PRDM5: variants seen among roughly 807,000 people sequenced by gnomAD.
PRDM5 encodes the protein PR domain zinc finger protein 5.
PRDM5 carries 56 observed loss-of-function variants against 81.2 expected under a neutral mutation model. The ratio of observed to expected loss-of-function variants is 0.69; its 90% CI spans 0.56 to 0.86. The LOEUF is 0.86. Ranked by LOEUF, PRDM5 falls within the 40% of genes least tolerant of loss-of-function variation. PRDM5 has a pLI of 0.00. For missense variants in PRDM5, 697 were observed against 770.1 expected (o/e 0.91, Z 1.12); for synonymous variants, 267 against 256.4 (o/e 1.04, Z -0.39).
chr4:120,888,670 A>G (rs1340056170), intron 2 of PRDM5, among the ~76,000 whole-genome samples: 2 of 152,206 alleles, frequency 1.3e-5, no homozygotes, highest in Non-Finnish European at 2.9e-5. Flanking sequence ...GCTCTAGTAG[A>G]TACCACTAGA....
At chr4:120,849,658 T>A (rs973491298) in intron 3 of PRDM5, among the ~76,000 whole-genome samples, 1 of 152,192 alleles carries the variant, frequency 6.6e-6, no homozygotes, top group African/African-American at 2.4e-5. Context: ...AATGTTCAAA[T>A]AATTAATAGT....
chr4:120,881,832 T>G (rs1330774472), intron 2 of PRDM5, among the ~76,000 whole-genome samples: 1 of 152,212 alleles, frequency 6.6e-6, no homozygotes, highest in East Asian at 1.9e-4. Flanking sequence ...AGGCCATGTA[T>G]TCTATTGTCT....
At chr4:120,796,767 T>C (rs558963919) in intron 10 of PRDM5, among the ~76,000 whole-genome samples, 29 of 152,326 alleles carry the variant, frequency 1.9e-4, no homozygotes, top group South Asian at 1.7e-3. Context: ...TTGAAATTGG[T>C]ATCATAATTT....
Position 120,694,889 on chromosome 4 carries a change from A to T in PRDM5, c.*222T>A, listed in dbSNP as rs1486028857. ...AGACAGAGCACAAGTTGCATTTTGC[A>T]AGGCTATGGAGTTGTATTTTTTTTC... On this transcript the variant is annotated 3_prime_UTR_variant, in exon 16 of 16. Coordinates refer to ENST00000264808, the MANE Select transcript of PRDM5 (RefSeq NM_018699.4). 2 of 531,756 alleles carry T rather than the reference A, an allele frequency of 3.8e-6. No homozygotes were observed. The highest frequency in any genetic ancestry group is 3.2e-5 in the Admixed American group (1 of 31,570). The allele number at this position is 531,756 out of a possible 1,614,324, so 32.9% of individuals were successfully genotyped here. A position where few individuals can be genotyped will look rare whatever the true frequency, so the allele number is the denominator to read the frequency against.
At chr4:120,851,423 A>C (rs1759252494) in intron 3 of PRDM5, among the ~76,000 whole-genome samples, 1 of 152,052 alleles carries the variant, frequency 6.6e-6, no homozygotes, top group Non-Finnish European at 1.5e-5. Context: ...GCCATGAAAA[A>C]ATATATAAAC....
chr4:120,742,918 A>G (rs1262082556), intron 14 of PRDM5, among the ~76,000 whole-genome samples: 2 of 152,118 alleles, frequency 1.3e-5, no homozygotes, highest in Non-Finnish European at 2.9e-5. Flanking sequence ...AGGTTCAGGA[A>G]ATACAGAGAA....
chr4:120,822,017 C>G (rs1326823400), intron 3 of PRDM5, among the ~76,000 whole-genome samples: 1 of 151,228 alleles, frequency 6.6e-6, no homozygotes, highest in East Asian at 1.9e-4. Context: ...AAACAGAAAT[C>G]AGACATAGTC....
At chr4:120,822,057 C>A (rs1190814625) in intron 3 of PRDM5, among the ~76,000 whole-genome samples, 1 of 151,884 alleles carries the variant, frequency 6.6e-6, no homozygotes, top group African/African-American at 2.4e-5. Context: ...GCAGAGGAAA[C>A]CTCGACCAAT....
At chr4:120,865,970 T>C (rs1761160831) in intron 2 of PRDM5, among the ~76,000 whole-genome samples, 1 of 152,118 alleles carries the variant, frequency 6.6e-6, no homozygotes, top group South Asian at 2.1e-4. Context: ...CAATCAATGA[T>C]CCACCATTTG....
At chr4:120,853,312 T>C in intron 3 of PRDM5, 106 bp downstream of exon 3, 1 of 1,521,694 alleles carries the variant, frequency 6.6e-7, no homozygotes. Context: ...GTTACTGTTA[T>C]TTGAAGGAGG....
At chr4:120,732,821 C>T (rs571845063) in intron 14 of PRDM5, among the ~76,000 whole-genome samples, 23 of 152,188 alleles carry the variant, frequency 1.5e-4, no homozygotes, top group African/African-American at 4.3e-4. Flanking sequence ...CCAGTCTTTA[C>T]GATATTTTGA....
At chr4:120,771,466 A>G (rs1245361977) in intron 13 of PRDM5, among the ~76,000 whole-genome samples, 2 of 152,188 alleles carry the variant, frequency 1.3e-5, no homozygotes, top group Non-Finnish European at 2.9e-5. Flanking sequence ...TGTATTAAAA[A>G]GAATGCTTAG....
chr4:120,765,496 A>G (rs1746248573), intron 13 of PRDM5, among the ~76,000 whole-genome samples: 1 of 152,162 alleles, frequency 6.6e-6, no homozygotes, highest in South Asian at 2.1e-4. Context: ...GAAGCTATAA[A>G]CCAACAGGAG....
chr4:120,782,099 G>C (rs1382799844), intron 11 of PRDM5, among the ~76,000 whole-genome samples: 27 of 152,050 alleles, frequency 1.8e-4, no homozygotes, highest in Admixed American at 1.8e-3. Flanking sequence ...CTTAACACAT[G>C]GGCCTAAGTT....
intron 14 of PRDM5, among the ~76,000 whole-genome samples, chr4:120,748,149 C>A (rs1743418634): frequency 6.6e-6 from 1 of 152,156 alleles, no homozygotes; most frequent in Non-Finnish European, 1.5e-5. Context: ...GGGTTTGAGG[C>A]ACTGGACACA....
chr4:120,864,094 G>A (rs1054190513), intron 2 of PRDM5, among the ~76,000 whole-genome samples: 18 of 152,188 alleles, frequency 1.2e-4, no homozygotes, highest in African/African-American at 4.3e-4. Flanking sequence ...CATGGAGGAA[G>A]GGTGGAAACT....
intron 2 of PRDM5, among the ~76,000 whole-genome samples, chr4:120,890,329 T>C (rs1295223940): frequency 1.3e-5 from 2 of 152,092 alleles, no homozygotes; most frequent in Non-Finnish European, 2.9e-5. Context: ...ATAAGAACAG[T>C]ACTAAGGGGA....
At chr4:120,800,256 T>C (rs1391106672) in intron 8 of PRDM5, among the ~76,000 whole-genome samples, 1 of 152,164 alleles carries the variant, frequency 6.6e-6, no homozygotes, top group Non-Finnish European at 1.5e-5. Flanking sequence ...TGGCTCACAT[T>C]TGTAATCCCA....
intron 2 of PRDM5, among the ~76,000 whole-genome samples, chr4:120,859,688 C>T (rs1760343536): frequency 6.6e-6 from 1 of 152,190 alleles, no homozygotes; most frequent in African/African-American, 2.4e-5. Context: ...TGTATTGACA[C>T]ACTTTCTTAT....
Sources: gnomAD v4.1 joint callset for allele counts (sites outside exome capture counted in the v4.1 genomes callset) on GRCh38, gnomAD v4.1.1 for gene constraint, MANE v1.5 for transcripts, NCBI Gene and HGNC (gene_info 2026-07-23, HGNC 2026-07-21) for gene names.